Variants in SMYD3 observed in about 807,000 individuals in gnomAD.
SMYD3 encodes SET and MYND domain containing 3.
Under a neutral mutation model 57.7 loss-of-function variants are expected in SMYD3, and 36 were observed. The ratio of observed to expected loss-of-function variants is 0.62; its 90% CI spans 0.48 to 0.82. SMYD3 has a LOEUF of 0.82. Among genes scored for constraint, SMYD3 ranks in the 40% least tolerant of loss-of-function variants. The pLI, the probability that SMYD3 is intolerant of heterozygous loss-of-function variation, is 0.00. For missense variants in SMYD3, 515 were observed against 538.8 expected, an observed-to-expected ratio of 0.96 and a Z score of 0.44; for synonymous variants, 211 against 195.0, an observed-to-expected ratio of 1.08 and a Z score of -0.68.
At chr1:245,806,916 C>CA (rs112012738) in intron 10 of SMYD3, among the ~76,000 whole-genome samples, 3,326 of 41,284 alleles carry the variant, frequency 0.081, 508 homozygotes, top group Middle Eastern at 0.11. Context: ...GACTCCGTCT[C>CA]AAAAAAAAAA....
intron 2 of SMYD3, among the ~76,000 whole-genome samples, chr1:246,347,522 C>G (rs2065742507): frequency 6.6e-6 from 1 of 152,126 alleles, no homozygotes; most frequent in Non-Finnish European, 1.5e-5. Flanking sequence ...TTCTGAAAAT[C>G]TCAAAACACT....
chr1:245,777,812 T>C (rs2046666892), intron 10 of SMYD3, among the ~76,000 whole-genome samples: 1 of 152,202 alleles, frequency 6.6e-6, no homozygotes. Flanking sequence ...CTCCACACTC[T>C]GCAGCTGAAG....
At chr1:246,161,500 C>T (rs990326232) in intron 5 of SMYD3, among the ~76,000 whole-genome samples, 1 of 152,164 alleles carries the variant, frequency 6.6e-6, no homozygotes, top group Non-Finnish European at 1.5e-5. Flanking sequence ...TGGCCTCCAC[C>T]TTTGATTTCG....
intron 5 of SMYD3, among the ~76,000 whole-genome samples, chr1:246,240,687 G>A (rs1373607345): frequency 6.6e-6 from 1 of 152,164 alleles, no homozygotes; most frequent in African/African-American, 2.4e-5. Context: ...TGGGCTGTAT[G>A]GCCATTTTCA....
At chr1:246,153,789 C>A (rs889091570) in intron 5 of SMYD3, among the ~76,000 whole-genome samples, 3 of 152,110 alleles carry the variant, frequency 2.0e-5, no homozygotes, top group Admixed American at 6.5e-5. Context: ...CTATTTTAAA[C>A]AATCCCACCT....
intron 10 of SMYD3, among the ~76,000 whole-genome samples, chr1:245,817,780 TG>T (rs2048935924): frequency 6.6e-6 from 1 of 152,046 alleles, no homozygotes; most frequent in South Asian, 2.1e-4. Context: ...TGTGATCAAC[TG>T]GAAGAAAGGG....
intron 5 of SMYD3, among the ~76,000 whole-genome samples, chr1:245,966,062 A>G (rs924756605): frequency 2.0e-5 from 3 of 152,202 alleles, no homozygotes; most frequent in East Asian, 3.8e-4. Flanking sequence ...AAAGTTTATT[A>G]ATTTTTTAAA....
At chr1:245,917,747 C>G (rs917278334) in intron 7 of SMYD3, among the ~76,000 whole-genome samples, 2 of 152,202 alleles carry the variant, frequency 1.3e-5, no homozygotes, top group African/African-American at 4.8e-5. Flanking sequence ...GTAGAAATTA[C>G]TTCTTTGCTT....
At chr1:245,930,428 T>C in intron 5 of SMYD3, 1 of 332,822 alleles carries the variant, frequency 3.0e-6, no homozygotes, top group Non-Finnish European at 5.8e-6. Context: ...TGTCGTCTGA[T>C]GCGTGTTGGT....
At chr1:245,766,351 G>A (rs1407925141) in intron 10 of SMYD3, among the ~76,000 whole-genome samples, 1 of 144,562 alleles carries the variant, frequency 6.9e-6, no homozygotes, top group Non-Finnish European at 1.5e-5. Context: ...AGTGAGCCGA[G>A]ATTGCAGCAC....
intron 5 of SMYD3, among the ~76,000 whole-genome samples, chr1:246,010,724 G>A (rs1012807135): frequency 2.0e-5 from 3 of 152,174 alleles, no homozygotes; most frequent in African/African-American, 7.2e-5. Context: ...GGTTTAGAGG[G>A]CTAAAATAAT....
At chr1:245,956,677 T>C (rs965305579) in intron 5 of SMYD3, among the ~76,000 whole-genome samples, 7 of 152,288 alleles carry the variant, frequency 4.6e-5, no homozygotes, top group Middle Eastern at 3.4e-3. Flanking sequence ...CCTCCTGTAC[T>C]ACTCCCCTAC....
chr1:246,293,138 G>C (rs1406905195), intron 5 of SMYD3, among the ~76,000 whole-genome samples: 13 of 151,732 alleles, frequency 8.6e-5, no homozygotes, highest in Admixed American at 8.5e-4. Context: ...AGAAAGGATT[G>C]TGAATCCCCA....
At chr1:246,453,521 A>G (rs992977299) in intron 1 of SMYD3, among the ~76,000 whole-genome samples, 1 of 152,240 alleles carries the variant, frequency 6.6e-6, no homozygotes, top group Non-Finnish European at 1.5e-5. Context: ...CTAGAAATAA[A>G]AATAAGTAGA....
At chr1:246,452,397 G>A (rs1470921742) in intron 1 of SMYD3, among the ~76,000 whole-genome samples, 1 of 152,126 alleles carries the variant, frequency 6.6e-6, no homozygotes, top group African/African-American at 2.4e-5. Context: ...AGCTACTGGG[G>A]AGGCTGAGGC....
At chr1:246,139,373 T>C (rs2148107758) in intron 5 of SMYD3, among the ~76,000 whole-genome samples, 1 of 152,342 alleles carries the variant, frequency 6.6e-6, no homozygotes, top group South Asian at 2.1e-4. Flanking sequence ...ACCTAAAACA[T>C]TCCTAATCCA....
intron 5 of SMYD3, among the ~76,000 whole-genome samples, chr1:246,101,100 T>TA (rs1491574913): frequency 2.8e-4 from 34 of 122,686 alleles, no homozygotes; most frequent in Non-Finnish European, 4.0e-4. Flanking sequence ...TTTTTTTTTT[T>TA]ACAGAGTAAG....
Position 246,126,852 on chromosome 1 carries a change from G to T in SMYD3, c.532-196915C>A, listed in dbSNP as rs2061517460. Among the ~76,000 whole-genome samples, 5 of 152,246 alleles carry T rather than the reference G, an allele frequency of 3.3e-5. No homozygotes were observed. The South Asian group carries it at 8.3e-4, about 25-fold the overall frequency. On this transcript the variant is annotated intron_variant, in intron 5 of 11. Coordinates refer to ENST00000490107, the MANE Select transcript of SMYD3 (RefSeq NM_001167740.2). ...ATTTACATAATAAAATGCACTGAAA[G>T]CTATCTTTCTCTTTTCTTTATATTA...
intron 10 of SMYD3, among the ~76,000 whole-genome samples, chr1:245,852,748 G>T (rs2051040956): frequency 6.6e-6 from 1 of 151,906 alleles, no homozygotes; most frequent in Admixed American, 6.6e-5. Flanking sequence ...AAGTCTTTCA[G>T]AATTAAATTA....
Sources: gnomAD v4.1 joint callset for allele counts (sites outside exome capture counted in the v4.1 genomes callset) on GRCh38, gnomAD v4.1.1 for gene constraint, MANE v1.5 for transcripts, NCBI Gene and HGNC (gene_info 2026-07-23, HGNC 2026-07-21) for gene names.